Variants in MID1 observed in about 807,000 individuals in gnomAD.
MID1 encodes the protein midline 1, also known as E3 ubiquitin-protein ligase Midline-1.
MID1 carries 7 observed loss-of-function variants against 40.4 expected under a neutral mutation model. That is an observed-to-expected ratio of 0.17 (90% CI 0.10 to 0.33). The LOEUF (loss-of-function observed/expected upper bound fraction) is 0.33, where lower values mean the gene tolerates loss of function less well. Ranked by LOEUF, MID1 falls within the 10% of genes least tolerant of loss-of-function variation. The pLI is 1.00. For missense variants in MID1, 367 were observed against 558.5 expected (o/e 0.66, Z 3.46); for synonymous variants, 229 against 221.2 (o/e 1.04, Z -0.31).
chrX:10,534,078 T>C (rs1933145974), intron 2 of MID1, among the ~76,000 whole-genome samples: 1 of 110,869 alleles, frequency 9.0e-6, no homozygotes, highest in Non-Finnish European at 1.9e-5. Context: ...AGATAATTAA[T>C]GTCTATAAAA....
At chrX:10,768,696 G>A (rs1345717226) in intron 1 of MID1, among the ~76,000 whole-genome samples, 1 of 112,152 alleles carries the variant, frequency 8.9e-6, no homozygotes. Flanking sequence ...ACTTTCCCCA[G>A]TGGTGAAATG....
intron 7 of MID1, among the ~76,000 whole-genome samples, chrX:10,465,206 T>TAC (rs1929281136): frequency 1.5e-5 from 1 of 68,706 alleles, no homozygotes; most frequent in African/African-American, 7.2e-5. Flanking sequence ...TATATATATA[T>TAC]ATATATATAC....
chrX:10,553,264 TA>T (rs773193264), intron 2 of MID1, among the ~76,000 whole-genome samples: 25 of 104,315 alleles, frequency 2.4e-4, no homozygotes, highest in Non-Finnish European at 3.3e-4. Flanking sequence ...AAAAAAGAAA[TA>T]AAAAAAATAT....
At chrX:10,504,878 G>A (rs1256287012) in intron 3 of MID1, among the ~76,000 whole-genome samples, 2 of 110,851 alleles carry the variant, frequency 1.8e-5, no homozygotes, top group Middle Eastern at 4.6e-3. Context: ...TAGACAATAC[G>A]GATGCAAATG....
chrX:10,720,287 G>A (rs1225676824), intron 1 of MID1, among the ~76,000 whole-genome samples: 2 of 111,522 alleles, frequency 1.8e-5, no homozygotes, highest in Non-Finnish European at 3.8e-5. Flanking sequence ...GAAAATTTTT[G>A]CAACCTACTC....
At chrX:10,601,901 G>GTT (rs61428047) in intron 1 of MID1, among the ~76,000 whole-genome samples, 1,156 of 96,266 alleles carry the variant, frequency 0.012, 23 homozygotes, top group African/African-American at 0.043. Flanking sequence ...TTTTGTTTTT[G>GTT]TTTTTTTTTT....
At chrX:10,669,238 A>T (rs905494252) in intron 1 of MID1, among the ~76,000 whole-genome samples, 22 of 104,848 alleles carry the variant, frequency 2.1e-4, no homozygotes, top group Non-Finnish European at 3.9e-4. Context: ...AATAAAAAAA[A>T]AAAAAAAAAA....
intron 1 of MID1, among the ~76,000 whole-genome samples, chrX:10,571,080 G>A (rs1345450508): frequency 1.8e-5 from 2 of 112,162 alleles, no homozygotes; most frequent in Non-Finnish European, 3.8e-5. Context: ...GTGCTTAGGG[G>A]CAACTCATGT....
intron 4 of MID1, among the ~76,000 whole-genome samples, chrX:10,485,167 C>G (rs892852056): frequency 2.7e-5 from 3 of 111,309 alleles, no homozygotes; most frequent in African/African-American, 9.8e-5. Flanking sequence ...GTTGCTGCAA[C>G]AGAGACCGTA....
chrX:10,483,130 A>G (rs1243819674), intron 4 of MID1, among the ~76,000 whole-genome samples: 1 of 112,386 alleles, frequency 8.9e-6, no homozygotes, highest in Non-Finnish European at 1.9e-5. Flanking sequence ...ATTAAGTGTT[A>G]CTATTTCCCA....
intron 3 of MID1, chrX:10,506,080 T>A: frequency 1.3e-6 from 1 of 797,420 alleles, no homozygotes; most frequent in Non-Finnish European, 1.5e-6. Context: ...ACAAGTGATA[T>A]CTATGAAATA....
intron 1 of MID1, among the ~76,000 whole-genome samples, chrX:10,582,393 G>A (rs751309680): frequency 5.4e-5 from 6 of 111,793 alleles, no homozygotes; most frequent in African/African-American, 1.6e-4. Flanking sequence ...CTCACAAGAG[G>A]TACAAAAAGG....
chrX:10,550,174 G>A (rs1278269219), intron 2 of MID1, among the ~76,000 whole-genome samples: 2 of 112,104 alleles, frequency 1.8e-5, no homozygotes, highest in Non-Finnish European at 3.8e-5. Flanking sequence ...CCATTTGGGC[G>A]AAAGTCTCAG....
intron 2 of MID1, among the ~76,000 whole-genome samples, chrX:10,544,114 G>C (rs1373411145): frequency 8.9e-6 from 1 of 112,028 alleles, no homozygotes; most frequent in Non-Finnish European, 1.9e-5. Context: ...TTCAAAGCCT[G>C]TTCTCCCCAC....
chrX:10,504,887 T>C (rs1931750474), intron 3 of MID1, among the ~76,000 whole-genome samples: 1 of 110,966 alleles, frequency 9.0e-6, no homozygotes, highest in South Asian at 3.8e-4. Context: ...CGGATGCAAA[T>C]GGACGTGGCT....
At chrX:10,642,858 C>T (rs1399676284) in intron 1 of MID1, among the ~76,000 whole-genome samples, 37 of 110,330 alleles carry the variant, frequency 3.4e-4, no homozygotes, top group Non-Finnish European at 7.0e-4. Context: ...GAAATAATAC[C>T]ACACATCTAC....
At chrX:10,772,425 G>T (rs1427854658) in intron 1 of MID1, among the ~76,000 whole-genome samples, 4 of 109,991 alleles carry the variant, frequency 3.6e-5, no homozygotes, top group Non-Finnish European at 7.6e-5. Context: ...GGGTGGGAAG[G>T]GGGTGAGGGA....
At chrX:10,655,930 G>A (rs1307142490) in intron 1 of MID1, among the ~76,000 whole-genome samples, 1 of 110,625 alleles carries the variant, frequency 9.0e-6, no homozygotes, top group Non-Finnish European at 1.9e-5. Flanking sequence ...AGTGAGCCAA[G>A]CAGAAGAATT....
At chrX:10,469,112 C>T (rs1205018174) in intron 7 of MID1, among the ~76,000 whole-genome samples, 1 of 111,049 alleles carries the variant, frequency 9.0e-6, no homozygotes, top group Non-Finnish European at 1.9e-5. Flanking sequence ...CTCACTGTTG[C>T]CCCGGCTGGA....
Sources: gnomAD v4.1 joint callset for allele counts (sites outside exome capture counted in the v4.1 genomes callset) on GRCh38, gnomAD v4.1.1 for gene constraint, MANE v1.5 for transcripts, NCBI Gene and HGNC (gene_info 2026-07-23, HGNC 2026-07-21) for gene names.